MDGA2: variants seen among roughly 807,000 people sequenced by gnomAD.
MDGA2 encodes MAM domain containing glycosylphosphatidylinositol anchor 2.
Under a neutral mutation model 117.8 loss-of-function variants are expected in MDGA2, and 40 were observed. The observed-to-expected ratio is 0.34, with a 90% CI of 0.26 to 0.44. The LOEUF (loss-of-function observed/expected upper bound fraction) is 0.44, where lower values mean the gene tolerates loss of function less well. Ranked by LOEUF, MDGA2 falls within the 20% of genes least tolerant of loss-of-function variation. The pLI is 1.00. For synonymous variants in MDGA2, 452 were observed against 439.0 expected (o/e 1.03, Z -0.37); for missense variants, 1,123 against 1,250.6 (o/e 0.90, Z 1.54).
intron 5 of MDGA2, 93 bp downstream of exon 5, chr14:47,131,621 G>T (rs905824661): frequency 1.9e-6 from 2 of 1,031,688 alleles, no homozygotes; most frequent in Non-Finnish European, 1.4e-6. Context: ...TACATACACC[G>T]TAGAAATCAT....
chr14:47,318,836 G>C (rs1010488712), intron 1 of MDGA2, among the ~76,000 whole-genome samples: 10 of 72,364 alleles, frequency 1.4e-4, no homozygotes, highest in African/African-American at 4.7e-4. Context: ...GAAGGAAATA[G>C]AGAAGTTAAA....
Position 47,218,012 on chromosome 14 carries a change from T to C in MDGA2, c.595+9A>G. ...GGCTTAATTATAGTTTTCTGGAAAA[T>C]TTACTTACAGTATACATCCACTCTG... is the stretch of plus-strand genomic sequence containing the variant. On this transcript the variant is annotated intron_variant, in intron 3 of 16. Coordinates refer to ENST00000399232, the MANE Select transcript of MDGA2 (RefSeq NM_001113498.3). 1 of 1,506,372 alleles carries C rather than the reference T, an allele frequency of 6.6e-7. No homozygotes were observed. Among genetic ancestry groups the C allele is most frequent in the Non-Finnish European group, 8.9e-7 (1 of 1,124,378 alleles). 93.3% of individuals were successfully genotyped at this position (1,506,372 alleles called of 1,614,324 possible). A position where few individuals can be genotyped will look rare whatever the true frequency, so the allele number is the denominator to read the frequency against.
At chr14:47,490,851 A>C (rs1894154337) in intron 1 of MDGA2, among the ~76,000 whole-genome samples, 1 of 152,248 alleles carries the variant, frequency 6.6e-6, no homozygotes, top group African/African-American at 2.4e-5. Context: ...AGAATGAATT[A>C]ACCTTCTTAC....
At chr14:47,013,044 G>A (rs934668220) in intron 8 of MDGA2, among the ~76,000 whole-genome samples, 1 of 152,054 alleles carries the variant, frequency 6.6e-6, no homozygotes, top group Non-Finnish European at 1.5e-5. Flanking sequence ...GATCAGGATG[G>A]TGGTTGTTAA....
chr14:46,885,509 ACCACAACTTTATTTT>A (rs1882639674), intron 10 of MDGA2, among the ~76,000 whole-genome samples: 2 of 152,168 alleles, frequency 1.3e-5, no homozygotes, highest in Non-Finnish European at 2.9e-5. Context: ...GGAAATTAAA[ACCACAACTTTATTTT>A]CCACCATCAA....
At chr14:47,065,533 T>G (rs1890048501) in intron 6 of MDGA2, among the ~76,000 whole-genome samples, 1 of 152,214 alleles carries the variant, frequency 6.6e-6, no homozygotes, top group Admixed American at 6.5e-5. Context: ...CAGAGAAGTC[T>G]AGGCTTGTGG....
At chr14:47,160,454 C>G (rs1883587064) in intron 3 of MDGA2, among the ~76,000 whole-genome samples, 1 of 152,078 alleles carries the variant, frequency 6.6e-6, no homozygotes, top group Non-Finnish European at 1.5e-5. Flanking sequence ...AGCACTTTGG[C>G]TAGGATTTCA....
intron 2 of MDGA2, among the ~76,000 whole-genome samples, chr14:47,242,584 C>T (rs964969739): frequency 6.6e-6 from 1 of 151,850 alleles, no homozygotes; most frequent in Non-Finnish European, 1.5e-5. Context: ...ACTTAGCACC[C>T]GGGCCAGTGG....
intron 1 of MDGA2, among the ~76,000 whole-genome samples, chr14:47,506,805 AG>A (rs757879376): frequency 1.3e-5 from 2 of 152,156 alleles, no homozygotes; most frequent in Non-Finnish European, 2.9e-5. Context: ...ATTTGAGGTC[AG>A]AAGGTGTGAA....
intron 1 of MDGA2, among the ~76,000 whole-genome samples, chr14:47,319,444 C>T (rs770092133): frequency 1.2e-4 from 18 of 152,144 alleles, no homozygotes; most frequent in Non-Finnish European, 2.1e-4. Flanking sequence ...ATATGTTCCT[C>T]CTATTACATC....
intron 8 of MDGA2, among the ~76,000 whole-genome samples, chr14:47,027,813 T>C (rs887902011): frequency 6.6e-6 from 1 of 151,928 alleles, no homozygotes; most frequent in African/African-American, 2.4e-5. Context: ...TCAACTAAAG[T>C]ATATTCATCC....
intron 2 of MDGA2, among the ~76,000 whole-genome samples, chr14:47,276,920 A>C (rs1333725714): frequency 6.6e-6 from 1 of 152,166 alleles, no homozygotes; most frequent in African/African-American, 2.4e-5. Context: ...TATATTTAGC[A>C]GTCCTAGGTT....
At chr14:47,053,601 GTATATATATA>G (rs373802720) in intron 7 of MDGA2, among the ~76,000 whole-genome samples, 2,845 of 107,362 alleles carry the variant, frequency 0.026, 92 homozygotes, top group African/African-American at 0.045. Flanking sequence ...GTGTGTATGT[GTATATATATA>G]TATATATATA....
chr14:46,986,305 C>A (rs750065820), intron 8 of MDGA2, among the ~76,000 whole-genome samples: 2 of 152,064 alleles, frequency 1.3e-5, no homozygotes, highest in Non-Finnish European at 2.9e-5. Context: ...TATCAGCTAC[C>A]TCTACATCTG....
At chr14:47,199,248 C>A (rs968523768) in intron 3 of MDGA2, among the ~76,000 whole-genome samples, 2 of 151,958 alleles carry the variant, frequency 1.3e-5, no homozygotes, top group Non-Finnish European at 2.9e-5. Context: ...AGTATTTTCA[C>A]ATCTGATTTT....
chr14:47,380,510 G>A (rs11847936), intron 1 of MDGA2, among the ~76,000 whole-genome samples: 65,313 of 151,358 alleles, frequency 0.43, 14,518 homozygotes, highest in East Asian at 0.61. Flanking sequence ...TCAAATAGAC[G>A]CAATAAAAAA....
chr14:47,400,748 CT>C (rs1892119095), intron 1 of MDGA2, among the ~76,000 whole-genome samples: 4 of 38,702 alleles, frequency 1.0e-4, no homozygotes, highest in Non-Finnish European at 2.0e-4. Context: ...TTTTTCTTTT[CT>C]TTTCTTTTCT....
rs113423819 is a variant in MDGA2 at position 46,976,739 on chromosome 14, T to G, written c.1820-19096A>C. Among the ~76,000 whole-genome samples, 1,508 of 152,094 alleles carry G rather than the reference T, an allele frequency of 9.9e-3. 17 individuals are homozygous for G. Among genetic ancestry groups the G allele is most frequent in the African/African-American group, 0.024 (1,000 of 41,556 alleles). ...TTCATTCGTTCAGACACTTCTTCAG[T>G]TATTTAACATACTTTTTTTCTCATA... is the stretch of plus-strand genomic sequence containing the variant. On this transcript the variant is annotated intron_variant, in intron 8 of 16. Coordinates refer to ENST00000399232, the MANE Select transcript of MDGA2 (RefSeq NM_001113498.3).
intron 1 of MDGA2, among the ~76,000 whole-genome samples, chr14:47,549,343 ATCTC>A (rs3039661): frequency 5.8e-4 from 81 of 140,200 alleles, no homozygotes; most frequent in East Asian, 8.8e-4. Flanking sequence ...CACCAGTATT[ATCTC>A]TCTCTCTCTC....
Sources: allele counts gnomAD v4.1 joint callset (sites outside exome capture counted in the v4.1 genomes callset), GRCh38; gene constraint gnomAD v4.1.1; transcripts MANE v1.5; gene names NCBI Gene and HGNC (gene_info 2026-07-23, HGNC 2026-07-21).